The following FOXP2 variants were observed in gnomAD, a reference collection of about 807,000 sequenced individuals.
The protein encoded by FOXP2 is forkhead box P2.
Under a neutral mutation model 115.8 loss-of-function variants are expected in FOXP2, and 12 were observed. The ratio of observed to expected loss-of-function variants is 0.10; its 90% CI spans 0.07 to 0.17. The LOEUF is 0.17. Ranked by LOEUF, FOXP2 falls within the 10% of genes least tolerant of loss-of-function variation. FOXP2 has a pLI of 1.00. For synonymous variants in FOXP2, 328 were observed against 297.7 expected, an observed-to-expected ratio of 1.10 and a Z score of -1.05; for missense variants, 629 against 843.5, an observed-to-expected ratio of 0.75 and a Z score of 3.15.
At position 114,355,622 on chromosome 7, in the gene FOXP2, T is replaced by C. The variant is rs575641597; in HGVS notation, c.-11+67513T>C. On this transcript the variant is annotated intron_variant, in intron 2 of 17. Transcript: ENST00000634411. ...AAACATGTTACAGAGCTGCTTCTTA[T>C]CTGTAGCAAGTCATTTATGTAGTTT... Among the ~76,000 whole-genome samples the C allele has an allele frequency of 7.2e-5, 11 of 152,238 alleles. 1 individual carries two copies. The South Asian group carries it at 2.3e-3, about 32-fold the overall frequency.
chr7:114,253,381 T>G (rs1303869561), intron 1 of FOXP2, among the ~76,000 whole-genome samples: 1 of 152,168 alleles, frequency 6.6e-6, no homozygotes, highest in Non-Finnish European at 1.5e-5. Context: ...TGTCTAATGT[T>G]GACAGTGGGG....
At chr7:114,294,399 A>G (rs1796684038) in intron 2 of FOXP2, among the ~76,000 whole-genome samples, 1 of 152,128 alleles carries the variant, frequency 6.6e-6, no homozygotes, top group Admixed American at 6.5e-5. Flanking sequence ...TAAATACTAG[A>G]GTCACACGGA....
chr7:114,538,508 T>G (rs1025504044), intron 3 of FOXP2: 1 of 499,192 alleles, frequency 2.0e-6, no homozygotes, highest in African/African-American at 2.0e-5. Flanking sequence ...ATTATAAAAT[T>G]TTTATAATTC....
At chr7:114,476,176 T>C (rs1796250983) in intron 2 of FOXP2, among the ~76,000 whole-genome samples, 1 of 151,872 alleles carries the variant, frequency 6.6e-6, no homozygotes, top group African/African-American at 2.4e-5. Context: ...TTTGGGGACT[T>C]AGCCAAAAAT....
intron 2 of FOXP2, among the ~76,000 whole-genome samples, chr7:114,436,915 A>G (rs1175848190): frequency 6.6e-6 from 1 of 152,176 alleles, no homozygotes; most frequent in Non-Finnish European, 1.5e-5. Context: ...CCAGATAATG[A>G]GAAAATACAC....
chr7:114,595,138 A>G (rs973641664), intron 3 of FOXP2, among the ~76,000 whole-genome samples: 2 of 152,096 alleles, frequency 1.3e-5, no homozygotes, highest in Non-Finnish European at 2.9e-5. Context: ...ATTATATCGT[A>G]CATGACCTAA....
chr7:114,578,277 C>T (rs1333734067), intron 3 of FOXP2, among the ~76,000 whole-genome samples: 1 of 151,928 alleles, frequency 6.6e-6, no homozygotes, highest in Non-Finnish European at 1.5e-5. Flanking sequence ...GTAGATACTG[C>T]TATTTTGGAA....
chr7:114,297,333 C>G, intron 2 of FOXP2: 1 of 606,188 alleles, frequency 1.6e-6, no homozygotes, highest in South Asian at 1.7e-5. Context: ...CTTGGTCAGG[C>G]GCCCGTGGTG....
chr7:114,473,643 G>T (rs1011183366), intron 2 of FOXP2, among the ~76,000 whole-genome samples: 7 of 151,950 alleles, frequency 4.6e-5, no homozygotes, highest in African/African-American at 1.7e-4. Flanking sequence ...GGCAAAAAGG[G>T]AGCCCTCCCT....
At chr7:114,276,186 TCTCA>T (rs1796183116) in intron 1 of FOXP2, among the ~76,000 whole-genome samples, 2 of 152,056 alleles carry the variant, frequency 1.3e-5, no homozygotes, top group African/African-American at 4.8e-5. Context: ...TGAGACAGAG[TCTCA>T]CTCTTTCACC....
At chr7:114,531,605 C>G (rs918017645) in intron 2 of FOXP2, among the ~76,000 whole-genome samples, 1 of 151,786 alleles carries the variant, frequency 6.6e-6, no homozygotes, top group Admixed American at 6.6e-5. Context: ...TTTTTGTTCT[C>G]CCACCTCTTA....
chr7:114,148,511 G>C, intron 1 of FOXP2, among the ~76,000 whole-genome samples: 1 of 152,114 alleles, frequency 6.6e-6, no homozygotes, highest in South Asian at 2.1e-4. Context: ...CCAAATGCTC[G>C]TATTAATAAT....
intron 1 of FOXP2, among the ~76,000 whole-genome samples, chr7:114,123,920 T>C (rs1427254292): frequency 1.3e-5 from 2 of 152,080 alleles, no homozygotes; most frequent in African/African-American, 4.8e-5. Context: ...GAAGTTTACA[T>C]ATATTAAAAA....
chr7:114,595,772 A>T (rs1802665379), intron 3 of FOXP2, among the ~76,000 whole-genome samples: 1 of 151,994 alleles, frequency 6.6e-6, no homozygotes, highest in Admixed American at 6.6e-5. Flanking sequence ...ATAGAGCGTA[A>T]TCAATGATAC....
chr7:114,534,748 A>T lies in FOXP2; in HGVS notation c.258+42A>T. 2.7e-6 allele frequency: 4 copies of T among 1,492,520 alleles called. 1 individual carries two copies. The South Asian group carries it at 3.4e-5, about 13-fold the overall frequency. The allele number at this position is 1,492,520 out of a possible 1,614,324, so 92.5% of individuals were successfully genotyped here. On this transcript the variant is annotated intron_variant, in intron 3 of 16. Coordinates refer to ENST00000350908, the MANE Select transcript of FOXP2 (RefSeq NM_014491.4). ...TGTCCTTGGGGTCTTATTTTAAAAG[A>T]TGTTCATAATGATAACAGATGTGCA...
At chr7:114,185,380 T>C (rs1382428284) in intron 1 of FOXP2, among the ~76,000 whole-genome samples, 1 of 152,160 alleles carries the variant, frequency 6.6e-6, no homozygotes, top group East Asian at 1.9e-4. Context: ...AGTGGGCAAG[T>C]TGCTTAATAT....
Position 114,462,366 on chromosome 7 carries a change from CTTTTTTTTTTTT to C in FOXP2, c.168+35699_168+35710del, listed in dbSNP as rs1170387045. Among the ~76,000 whole-genome samples, 4 of 89,286 alleles carry C rather than the reference CTTTTTTTTTTTT, an allele frequency of 4.5e-5. No homozygotes were observed. The Admixed American group carries it at 4.6e-4, about 10-fold the overall frequency. 58.6% of individuals were successfully genotyped at this position (89,286 alleles called of 152,430 possible). Reference sequence around the variant, plus strand: ...TGGGCACTCATTTTCAGCATAATATCTTTTTTTTTTTTTTTTTTTTTTTAAGACAGAGTCTTG... The same window carrying C: ...TGGGCACTCATTTTCAGCATAATATCTTTTTTTTTTTAAGACAGAGTCTTG... On this transcript the variant is annotated intron_variant, in intron 2 of 16. Transcript: ENST00000350908.
At chr7:114,127,468 A>C (rs1332905234) in intron 1 of FOXP2, among the ~76,000 whole-genome samples, 1 of 152,178 alleles carries the variant, frequency 6.6e-6, no homozygotes, top group Non-Finnish European at 1.5e-5. Flanking sequence ...GGCCTATTCT[A>C]TTACGATAGA....
intron 1 of FOXP2, among the ~76,000 whole-genome samples, chr7:114,139,150 AT>A (rs1316334421): frequency 6.6e-6 from 1 of 152,214 alleles, no homozygotes; most frequent in Non-Finnish European, 1.5e-5. Context: ...ACTTTAAAAA[AT>A]ATATGCCTTA....
Sources: allele counts gnomAD v4.1 joint callset (sites outside exome capture counted in the v4.1 genomes callset), GRCh38; gene constraint gnomAD v4.1.1; transcripts MANE v1.5; gene names NCBI Gene and HGNC (gene_info 2026-07-23, HGNC 2026-07-21).